Variants in DNAH11 observed in about 807,000 individuals in gnomAD.
DNAH11 encodes the protein axonemal beta dynein heavy chain 11.
DNAH11 carries 442 observed loss-of-function variants against 526.0 expected under a neutral mutation model. The observed-to-expected ratio is 0.84, with a 90% CI of 0.78 to 0.91. DNAH11 has a LOEUF of 0.91. DNAH11 is among the 40% of genes least tolerant of loss of function. The pLI is 0.00. For synonymous variants in DNAH11, 2,461 were observed against 1,935.9 expected, an observed-to-expected ratio of 1.27 and a Z score of -7.12; for missense variants, 6,989 against 5,448.7, an observed-to-expected ratio of 1.28 and a Z score of -8.90.
chr7:21,698,316 A>G, intron 36 of DNAH11, 103 bp downstream of exon 36: 1 of 1,495,866 alleles, frequency 6.7e-7, no homozygotes, highest in Non-Finnish European at 9.0e-7. Flanking sequence ...ATTAGACATT[A>G]AAATTTTTTT....
At chr7:21,788,620 C>G (rs1229626152) in intron 60 of DNAH11, among the ~76,000 whole-genome samples, 1 of 152,152 alleles carries the variant, frequency 6.6e-6, no homozygotes, top group Non-Finnish European at 1.5e-5. Context: ...CTCAGATGGT[C>G]CATTCAAACA....
chr7:21,853,101 CT>C (rs1321018682), intron 67 of DNAH11, among the ~76,000 whole-genome samples: 23 of 152,214 alleles, frequency 1.5e-4, no homozygotes, highest in African/African-American at 5.3e-4. Flanking sequence ...CTCAAATGCA[CT>C]ATTCACCCCA....
chr7:21,817,404 G>C (rs1789843581), intron 64 of DNAH11, among the ~76,000 whole-genome samples: 1 of 151,654 alleles, frequency 6.6e-6, no homozygotes, highest in African/African-American at 2.4e-5. Flanking sequence ...TCTTAGGCCA[G>C]GTACAGTAGC....
At chr7:21,844,881 T>C (rs994402671) in intron 66 of DNAH11, among the ~76,000 whole-genome samples, 1 of 152,296 alleles carries the variant, frequency 6.6e-6, no homozygotes, top group East Asian at 1.9e-4. Context: ...TCAGTGGATA[T>C]GGTTCCCTGA....
chr7:21,798,088 C>T (rs1436301222), intron 61 of DNAH11, among the ~76,000 whole-genome samples: 1 of 152,178 alleles, frequency 6.6e-6, no homozygotes, highest in Non-Finnish European at 1.5e-5. Context: ...GGCAGAGGAA[C>T]TAGAACCAAG....
At chr7:21,662,891 C>T (rs561682060) in intron 30 of DNAH11, among the ~76,000 whole-genome samples, 2 of 152,024 alleles carry the variant, frequency 1.3e-5, no homozygotes, top group Non-Finnish European at 2.9e-5. Flanking sequence ...GCGTTGAATT[C>T]GTAATGGTGA....
At chr7:21,689,645 G>A (rs1033613412) in intron 34 of DNAH11, among the ~76,000 whole-genome samples, 1 of 152,210 alleles carries the variant, frequency 6.6e-6, no homozygotes, top group African/African-American at 2.4e-5. Context: ...GCCTTCCCTA[G>A]CCTGACATTC....
At chr7:21,724,505 G>A (rs1229137697) in intron 44 of DNAH11, among the ~76,000 whole-genome samples, 1 of 152,246 alleles carries the variant, frequency 6.6e-6, no homozygotes, top group Non-Finnish European at 1.5e-5. Flanking sequence ...TGAGATTGCT[G>A]AAAGCAGTAG....
Position 21,861,937 on chromosome 7 carries a change from A to T in DNAH11, c.11287A>T (p.Ser3763Cys). The T allele has an allele frequency of 6.2e-7, 1 of 1,613,484 alleles. No homozygotes were observed. Among genetic ancestry groups the T allele is most frequent in the Non-Finnish European group, 8.5e-7 (1 of 1,179,550 alleles). The change falls in exon 69 of 82, where the codon AGC (serine) becomes TGC (cysteine). Residue 3763 changes from serine to cysteine, a missense_variant. By Grantham distance (112) the Ser-to-Cys change is moderately radical. Transcript: ENST00000409508. ...MQGRISILME[S>C]ITHAVFLYTS... ...GGGACGCATCTCTATCCTGATGGAG[A>T]GCATCACCCATGCTGTCTTCCTCTA... is the stretch of plus-strand genomic sequence containing the variant.
At chr7:21,653,748 CGA>C (rs1280763532) in intron 28 of DNAH11, among the ~76,000 whole-genome samples, 6 of 152,270 alleles carry the variant, frequency 3.9e-5, no homozygotes, top group Admixed American at 2.6e-4. Context: ...TTAAAGTAAG[CGA>C]GAGTCTCAAA....
Position 21,861,794 on chromosome 7 carries a change from G to T in DNAH11, c.11203-59G>T. 4 of 1,594,944 alleles carry T rather than the reference G, an allele frequency of 2.5e-6. No homozygotes were observed. The South Asian group carries it at 3.4e-5, about 14-fold the overall frequency. On this transcript the variant is annotated intron_variant, in intron 68 of 81. Transcript: ENST00000409508. ...TTAAACTGTTGCCCTGTGTATCGGG[G>T]GTAGCTAGACATCCAGGCACCAGTT...
chr7:21,699,488 C>T lies in DNAH11; in HGVS notation c.6180+1275C>T, dbSNP rs185838052. ...AGTCAAAATGAAAGCATCAGAATAC[C>T]ACAGTTGCAACCACACAGTTACCTT... On this transcript the variant is annotated intron_variant, in intron 36 of 81. Transcript: ENST00000409508. 2.0e-3 allele frequency among the ~76,000 whole-genome samples: 309 copies of T among 152,118 alleles called. 1 individual carries two copies. Among genetic ancestry groups the T allele is most frequent in the African/African-American group, 7.1e-3 (296 of 41,500 alleles).
At chr7:21,655,305 G>A (rs1018609773) in intron 28 of DNAH11, among the ~76,000 whole-genome samples, 4 of 152,048 alleles carry the variant, frequency 2.6e-5, no homozygotes, top group Admixed American at 2.0e-4. Context: ...CAATGAAAAG[G>A]GAGAAATCCT....
chr7:21,759,890 A>G (rs1169735460), intron 54 of DNAH11, among the ~76,000 whole-genome samples: 1 of 152,232 alleles, frequency 6.6e-6, no homozygotes, highest in East Asian at 1.9e-4. Flanking sequence ...AAAAGAATAG[A>G]AAATTCTATG....
intron 38 of DNAH11, 45 bp downstream of exon 38, chr7:21,704,673 G>T (rs754103973): frequency 8.9e-6 from 14 of 1,570,096 alleles, no homozygotes; most frequent in South Asian, 2.4e-5. Context: ...GGGATTGTCA[G>T]TGGAAATAAT....
intron 65 of DNAH11, among the ~76,000 whole-genome samples, chr7:21,826,239 A>G (rs1019687667): frequency 3.3e-5 from 5 of 152,088 alleles, no homozygotes; most frequent in African/African-American, 9.7e-5. Flanking sequence ...CCTGATAAGA[A>G]GTATCTTTAA....
chr7:21,683,934 C>A lies in DNAH11; in HGVS notation c.5611C>A (p.Leu1871Ile). The A allele has an allele frequency of 6.2e-7, 1 of 1,613,000 alleles. No homozygotes were observed. Residue 1871 changes from leucine to isoleucine, a missense_variant, in exon 32 of 82, where the codon CTA (leucine) becomes ATA (isoleucine). Coordinates refer to ENST00000409508, the MANE Select transcript of DNAH11 (RefSeq NM_001277115.2). Reference sequence around the variant, plus strand: ...CAGCCCTCGACTAGTGATCACTCCTCTAACTGACAGGTAACAATTCAAAGT... The same window carrying A: ...CAGCCCTCGACTAGTGATCACTCCTATAACTGACAGGTAACAATTCAAAGT... ...GNSPRLVITP[L>I]TDRCYITLTQ...
intron 2 of DNAH11, among the ~76,000 whole-genome samples, chr7:21,550,997 C>A (rs927369199): frequency 6.6e-6 from 1 of 152,198 alleles, no homozygotes; most frequent in Admixed American, 6.5e-5. Flanking sequence ...ACAACTTCCA[C>A]ATACTTATTT....
chr7:21,580,050 T>C (rs1784253327), intron 8 of DNAH11, among the ~76,000 whole-genome samples: 1 of 152,196 alleles, frequency 6.6e-6, no homozygotes, highest in Admixed American at 6.5e-5. Flanking sequence ...TTCAGATTTG[T>C]ACTTGAACAA....
Sources: gnomAD v4.1 joint callset for allele counts (sites outside exome capture counted in the v4.1 genomes callset) on GRCh38, gnomAD v4.1.1 for gene constraint, MANE v1.5 for transcripts, NCBI Gene and HGNC (gene_info 2026-07-23, HGNC 2026-07-21) for gene names.